The following LRFN2 variants were observed in gnomAD, a reference collection of about 807,000 sequenced individuals.
The protein encoded by LRFN2 is leucine rich repeat and fibronectin type III domain containing 2.
LRFN2 carries 18 observed loss-of-function variants against 37.3 expected under a neutral mutation model. That is an observed-to-expected ratio of 0.48 (90% confidence interval 0.33 to 0.72). The LOEUF (loss-of-function observed/expected upper bound fraction) is 0.72, where lower values mean the gene tolerates loss of function less well. Ranked by LOEUF, LRFN2 falls within the 30% of genes least tolerant of loss-of-function variation. LRFN2 has a pLI of 0.02. For missense variants in LRFN2, 1,006 were observed against 1,060.7 expected (o/e 0.95, Z 0.72); for synonymous variants, 556 against 466.6 (o/e 1.19, Z -2.47).
At chr6:40,503,277 C>A (rs1581756371) in intron 1 of LRFN2, among the ~76,000 whole-genome samples, 1 of 152,124 alleles carries the variant, frequency 6.6e-6, no homozygotes, top group Non-Finnish European at 1.5e-5. Flanking sequence ...GTGGAGCTGA[C>A]AGAACAGTCG....
chr6:40,512,247 T>G (rs1425462442), intron 1 of LRFN2, among the ~76,000 whole-genome samples: 2 of 152,188 alleles, frequency 1.3e-5, no homozygotes, highest in African/African-American at 4.8e-5. Context: ...TCCCTTTGCC[T>G]GCACTTAGGG....
chr6:40,550,981 T>G (rs1766765863), intron 1 of LRFN2, among the ~76,000 whole-genome samples: 2 of 152,244 alleles, frequency 1.3e-5, no homozygotes, highest in Admixed American at 6.5e-5. Flanking sequence ...TGGACTGCAG[T>G]GGATGGGAGT....
At chr6:40,509,470 A>G in intron 1 of LRFN2, among the ~76,000 whole-genome samples, 1 of 152,274 alleles carries the variant, frequency 6.6e-6, no homozygotes. Context: ...AGTAGAGAGC[A>G]GAATGAAATG....
chr6:40,411,053 T>C (rs1419502911), intron 2 of LRFN2, among the ~76,000 whole-genome samples: 1 of 152,230 alleles, frequency 6.6e-6, no homozygotes, highest in Non-Finnish European at 1.5e-5. Context: ...CATCTTAGTG[T>C]GGAAGTAATC....
chr6:40,479,045 A>G (rs938384861), intron 1 of LRFN2, among the ~76,000 whole-genome samples: 1 of 152,188 alleles, frequency 6.6e-6, no homozygotes, highest in South Asian at 2.1e-4. Flanking sequence ...GCTTAAAACC[A>G]AGTTCCCACA....
intron 1 of LRFN2, among the ~76,000 whole-genome samples, chr6:40,458,168 G>A (rs1764273435): frequency 1.3e-5 from 2 of 152,330 alleles, no homozygotes; most frequent in Admixed American, 1.3e-4. Flanking sequence ...TCTTTAACAT[G>A]TGGAGAAACC....
intron 1 of LRFN2, among the ~76,000 whole-genome samples, chr6:40,555,335 G>T (rs1425752332): frequency 6.6e-6 from 1 of 152,142 alleles, no homozygotes; most frequent in Non-Finnish European, 1.5e-5. Context: ...AGGCTGGGCC[G>T]GAGATGAGCT....
intron 1 of LRFN2, among the ~76,000 whole-genome samples, chr6:40,474,543 G>A (rs1290399752): frequency 1.3e-5 from 2 of 152,142 alleles, no homozygotes; most frequent in African/African-American, 4.8e-5. Context: ...AGGCTGGAGT[G>A]CGGTGGCACG....
intron 1 of LRFN2, among the ~76,000 whole-genome samples, chr6:40,556,232 C>A (rs374337): frequency 2.6e-5 from 4 of 152,002 alleles, no homozygotes; most frequent in Non-Finnish European, 4.4e-5. Context: ...CCTCCTACAC[C>A]TTGGCCCAGA....
intron 1 of LRFN2, among the ~76,000 whole-genome samples, chr6:40,459,149 C>A (rs1297367838): frequency 6.6e-6 from 1 of 152,188 alleles, no homozygotes; most frequent in African/African-American, 2.4e-5. Context: ...AGAAGGAAAG[C>A]CAGGTCCCTG....
intron 1 of LRFN2, among the ~76,000 whole-genome samples, chr6:40,548,474 C>G (rs1447958327): frequency 6.6e-6 from 1 of 151,794 alleles, no homozygotes; most frequent in East Asian, 1.9e-4. Context: ...ATAGTACCTA[C>G]CTTACAAGTT....
chr6:40,499,188 A>G (rs1765310672), intron 1 of LRFN2, among the ~76,000 whole-genome samples: 1 of 151,852 alleles, frequency 6.6e-6, no homozygotes, highest in Admixed American at 6.6e-5. Context: ...CATCATCTCC[A>G]TCCCTCCCTA....
In LRFN2 at chr6:40,494,582, T is replaced by G. The variant is rs138061683; in HGVS notation, c.-18-61451A>C. ...TATCCCTGCCATCATTCCTGACAAT[T>G]TCATATCCTGGCAGATTACCTGTTC... On this transcript the variant is annotated intron_variant, in intron 1 of 2. Coordinates refer to ENST00000338305, the MANE Select transcript of LRFN2 (RefSeq NM_020737.3). Among the ~76,000 whole-genome samples, 21 of 152,222 alleles carry G rather than the reference T, an allele frequency of 1.4e-4. No homozygotes were observed. The East Asian group carries it at 3.9e-3, about 28-fold the overall frequency.
intron 1 of LRFN2, among the ~76,000 whole-genome samples, chr6:40,580,548 A>G (rs1039142001): frequency 1.3e-5 from 2 of 152,222 alleles, no homozygotes; most frequent in African/African-American, 4.8e-5. Context: ...CTTGGCACTC[A>G]TCCTGACCCT....
rs536323177 is a variant in LRFN2, at chr6:40,513,704, G to C, written c.-19+73237C>G. On this transcript the variant is annotated intron_variant, in intron 1 of 2. Transcript: ENST00000338305. Reference sequence around the variant, plus strand: ...ATCTGTGCAAAGGTGATACGTGCCAGGGAGAAAAATAAAGCAGAAAAGGGG... The same window carrying C: ...ATCTGTGCAAAGGTGATACGTGCCACGGAGAAAAATAAAGCAGAAAAGGGG... Among the ~76,000 whole-genome samples, 10 of 152,302 alleles carry C rather than the reference G, an allele frequency of 6.6e-5. No individual in the cohort carries two copies. In the South Asian group the frequency reaches 2.1e-3, roughly 32 times the overall value.
chr6:40,560,412 T>G (rs1766970803), intron 1 of LRFN2, among the ~76,000 whole-genome samples: 1 of 152,048 alleles, frequency 6.6e-6, no homozygotes, highest in Non-Finnish European at 1.5e-5. Context: ...ACCCAACATA[T>G]TCAGAAATGA....
chr6:40,472,709 G>A (rs1380995114), intron 1 of LRFN2, among the ~76,000 whole-genome samples: 1 of 152,160 alleles, frequency 6.6e-6, no homozygotes, highest in Non-Finnish European at 1.5e-5. Flanking sequence ...ACCTGACTCT[G>A]AGCAGCATTT....
At chr6:40,396,024 C>T (rs562578987) in intron 2 of LRFN2, among the ~76,000 whole-genome samples, 1 of 152,144 alleles carries the variant, frequency 6.6e-6, no homozygotes, top group South Asian at 2.1e-4. Flanking sequence ...AATATTTAGC[C>T]ACCTTCTCCT....
At position 40,432,354 on chromosome 6, in the gene LRFN2, G is replaced by A. The variant is rs138583599; in HGVS notation, c.760C>T (p.Arg254Trp). 6.2e-6 allele frequency: 10 copies of A among 1,614,156 alleles called. No individual in the cohort carries two copies. Among genetic ancestry groups the A allele is most frequent in the East Asian group, 2.2e-5 (1 of 44,870 alleles). ...LHCNCELLWL[R>W]RLERDDDLET... ...AGGTCATCGTCCCGCTCGAGCCTCC[G>A]CAGCCAGAGAAGCTCACAATTGCAG... Residue 254 changes from arginine to tryptophan, a missense_variant, in exon 2 of 3, where the codon CGG (arginine) becomes TGG (tryptophan). By Grantham distance (101) the Arg-to-Trp change is moderately radical (BLOSUM62 -3). Transcript: ENST00000338305.
Sources: gnomAD v4.1 joint callset for allele counts (sites outside exome capture counted in the v4.1 genomes callset) on GRCh38, gnomAD v4.1.1 for gene constraint, MANE v1.5 for transcripts, NCBI Gene and HGNC (gene_info 2026-07-23, HGNC 2026-07-21) for gene names.